DNAH9: variants seen among roughly 807,000 people sequenced by gnomAD.
DNAH9 encodes DNAH9 variant protein.
In DNAH9, 345 loss-of-function variants were observed where a neutral mutation model predicts 471.6. The ratio of observed to expected loss-of-function variants is 0.73; its 90% CI spans 0.67 to 0.80. DNAH9 has a LOEUF of 0.80. Among genes scored for constraint, DNAH9 ranks in the 30% least tolerant of loss-of-function variants. The pLI is 0.00. For missense variants in DNAH9, 5,407 were observed against 5,609.2 expected, an observed-to-expected ratio of 0.96 and a Z score of 1.15; for synonymous variants, 2,093 against 2,123.6, an observed-to-expected ratio of 0.99 and a Z score of 0.40.
chr17:11,902,995 C>T (rs905343827), intron 60 of DNAH9, 83 bp downstream of exon 60: 20 of 1,450,728 alleles, frequency 1.4e-5, no homozygotes, highest in Non-Finnish European at 1.9e-5. Flanking sequence ...GGGCTGAGCT[C>T]CAAAGCCATG....
intron 53 of DNAH9, among the ~76,000 whole-genome samples, chr17:11,879,301 C>T (rs192914614): frequency 1.3e-5 from 2 of 152,220 alleles, no homozygotes; most frequent in Non-Finnish European, 2.9e-5. Context: ...CTTCTTTCTA[C>T]ACATCTATAT....
chr17:11,946,126 G>C (rs1234905572), intron 67 of DNAH9, among the ~76,000 whole-genome samples: 1 of 149,880 alleles, frequency 6.7e-6, no homozygotes, highest in East Asian at 2.0e-4. Context: ...TTTGAACCCG[G>C]GAGGTGGAGG....
rs747104009 is a variant in DNAH9 at position 11,834,665 on chromosome 17, G to A, written c.9274G>A (p.Ala3092Thr). ...QVDDLKAKLA[A>T]QEVELKQKNE... ...GGATGATCTGAAAGCAAAGCTGGCT[G>A]CCCAGGAAGTAGAGCTGAAGCAGAA... is the stretch of plus-strand genomic sequence containing the variant. The change falls in exon 49 of 69, where the codon GCC (alanine) becomes ACC (threonine). Residue 3092 changes from alanine to threonine, a missense_variant. Physicochemically the swap from Ala to Thr is moderately conservative, Grantham distance 58. Transcript: ENST00000262442. 4.0e-5 allele frequency: 64 copies of A among 1,613,992 alleles called. No individual in the cohort carries two copies. The highest frequency in any genetic ancestry group is 6.7e-5 in the African/African-American group (5 of 74,924).
intron 12 of DNAH9, among the ~76,000 whole-genome samples, chr17:11,648,727 A>G (rs1029347262): frequency 6.6e-6 from 1 of 152,170 alleles, no homozygotes; most frequent in Admixed American, 6.5e-5. Flanking sequence ...TACCTAAACT[A>G]TAATGTGAGT....
chr17:11,701,927 C>T (rs1317166029), intron 24 of DNAH9, among the ~76,000 whole-genome samples: 1 of 152,174 alleles, frequency 6.6e-6, no homozygotes, highest in African/African-American at 2.4e-5. Flanking sequence ...AGTGATCCGC[C>T]CACCTCGGCC....
intron 19 of DNAH9, among the ~76,000 whole-genome samples, chr17:11,685,505 G>T (rs2074226243): frequency 6.6e-6 from 1 of 152,160 alleles, no homozygotes; most frequent in Admixed American, 6.6e-5. Flanking sequence ...GGCAAGGTAG[G>T]CTCAAAACCA....
chr17:11,629,062 A>G (rs1001339767), intron 6 of DNAH9, among the ~76,000 whole-genome samples: 16 of 150,894 alleles, frequency 1.1e-4, no homozygotes, highest in Non-Finnish European at 2.1e-4. Flanking sequence ...CACTGTTGTT[A>G]TGATCATGAT....
chr17:11,607,331 A>G (rs1052696565), intron 1 of DNAH9, among the ~76,000 whole-genome samples: 1 of 152,188 alleles, frequency 6.6e-6, no homozygotes, highest in African/African-American at 2.4e-5. Flanking sequence ...CCAGAAGAGG[A>G]CACTGAGCCA....
At chr17:11,850,548 G>T (rs1475360411) in intron 49 of DNAH9, among the ~76,000 whole-genome samples, 1 of 152,114 alleles carries the variant, frequency 6.6e-6, no homozygotes, top group Non-Finnish European at 1.5e-5. Flanking sequence ...TAATTTGGGA[G>T]GCTGAGGCAG....
At chr17:11,925,407 G>A (rs369864126) in intron 62 of DNAH9, 8 of 300,882 alleles carry the variant, frequency 2.7e-5, no homozygotes, top group African/African-American at 1.5e-4. Flanking sequence ...TTTATTTGGA[G>A]CCTAGCAACT....
At chr17:11,929,291 C>T (rs536243897) in intron 62 of DNAH9, among the ~76,000 whole-genome samples, 4 of 152,222 alleles carry the variant, frequency 2.6e-5, no homozygotes, top group Admixed American at 2.6e-4. Context: ...GCCTCAGCCT[C>T]CCAAAGTGCT....
At position 11,854,325 on chromosome 17, in the gene DNAH9, A is replaced by T. The variant is rs770553805; in HGVS notation, c.9830A>T (p.Glu3277Val). ...GTCATCAATATTGTGAGATTTTATGAGGTGTTCTGTGATGTGGAACCCAAG... is the reference window on the plus strand; with the variant it reads ...GTCATCAATATTGTGAGATTTTATGTGGTGTTCTGTGATGTGGAACCCAAG... ...SWVINIVRFY[E>V]VFCDVEPKRQ... Residue 3277 changes from glutamate (E) to valine (V), a missense_variant, in exon 50 of 69, where the codon GAG becomes GTG. By Grantham distance (121) the Glu-to-Val change is moderately radical (BLOSUM62 -2). This residue lies in a region of DNAH9 where 4,636 missense variants were observed against 4,900.3 expected (regional missense o/e 0.95). Transcript: ENST00000262442. 15 of 1,614,094 alleles carry T rather than the reference A, an allele frequency of 9.3e-6. No homozygotes were observed. The highest frequency in any genetic ancestry group is 1.3e-5 in the Non-Finnish European group (15 of 1,180,022).
At chr17:11,724,086 A>G (rs2075111298) in intron 27 of DNAH9, among the ~76,000 whole-genome samples, 1 of 152,224 alleles carries the variant, frequency 6.6e-6, no homozygotes, top group African/African-American at 2.4e-5. Flanking sequence ...TTTATCAATA[A>G]TATCAATAAT....
chr17:11,904,371 C>T (rs1212395434), intron 60 of DNAH9, among the ~76,000 whole-genome samples: 2 of 152,188 alleles, frequency 1.3e-5, no homozygotes, highest in Non-Finnish European at 2.9e-5. Flanking sequence ...TGGCTCATGC[C>T]TATAATCCCA....
chr17:11,959,061 T>C (rs929673648), intron 67 of DNAH9, among the ~76,000 whole-genome samples: 24 of 150,770 alleles, frequency 1.6e-4, no homozygotes, highest in African/African-American at 5.4e-4. Flanking sequence ...GAGAAGGCGT[T>C]TGACAAAATT....
chr17:11,655,655 C>G (rs1186638003), intron 14 of DNAH9, among the ~76,000 whole-genome samples: 1 of 151,058 alleles, frequency 6.6e-6, no homozygotes, highest in African/African-American at 2.4e-5. Flanking sequence ...TAGACACACA[C>G]ACACACACCA....
chr17:11,777,012 A>C (rs1017462060), intron 38 of DNAH9, among the ~76,000 whole-genome samples: 21 of 152,218 alleles, frequency 1.4e-4, no homozygotes, highest in African/African-American at 5.1e-4. Context: ...ATAATAAAAG[A>C]TAATTTTAAG....
chr17:11,639,005 TC>T (rs1406135226), intron 9 of DNAH9, among the ~76,000 whole-genome samples: 1 of 152,178 alleles, frequency 6.6e-6, no homozygotes, highest in African/African-American at 2.4e-5. Context: ...GCATCAAATC[TC>T]TGCCTTCCTG....
At chr17:11,739,473 TG>T (rs2075400477) in intron 29 of DNAH9, among the ~76,000 whole-genome samples, 1 of 152,250 alleles carries the variant, frequency 6.6e-6, no homozygotes, top group African/African-American at 2.4e-5. Context: ...TGCATAATGC[TG>T]TAATGTACAT....
Sources: allele counts gnomAD v4.1 joint callset (sites outside exome capture counted in the v4.1 genomes callset), GRCh38; gene constraint gnomAD v4.1.1; regional missense constraint gnomAD v4.1.1; transcripts MANE v1.5; gene names NCBI Gene and HGNC (gene_info 2026-07-23, HGNC 2026-07-21).